STK32C: variants seen among roughly 807,000 people sequenced by gnomAD.
STK32C encodes the protein serine/threonine-protein kinase 32C.
In STK32C, 31 loss-of-function variants were observed where a neutral mutation model predicts 56.5. The observed-to-expected ratio is 0.55, with a 90% CI of 0.41 to 0.74. STK32C has a LOEUF of 0.74. Among genes scored for constraint, STK32C ranks in the 30% least tolerant of loss-of-function variants. The pLI is 0.00. For missense variants in STK32C, 544 were observed against 676.9 expected (o/e 0.80, Z 2.18); for synonymous variants, 309 against 289.4 (o/e 1.07, Z -0.69).
chr10:132,225,148 G>A (rs1396671248), intron 7 of STK32C, 85 bp downstream of exon 7: 8 of 1,136,664 alleles, frequency 7.0e-6, no homozygotes, highest in South Asian at 1.6e-5. Flanking sequence ...CCTGGACACT[G>A]GGGCAGCCAC....
At chr10:132,321,985 C>A (rs927774314), downstream of STK32C, among the ~76,000 whole-genome samples, 1 of 152,162 alleles carries the variant, frequency 6.6e-6, no homozygotes. Flanking sequence ...CAACCCTGCA[C>A]AGGAGTCCCC....
chr10:132,321,629 AGACCAGCCT>A (rs1465503965), downstream of STK32C, among the ~76,000 whole-genome samples: 1 of 152,196 alleles, frequency 6.6e-6, no homozygotes, highest in East Asian at 1.9e-4. Flanking sequence ...CAGGAGTTCG[AGACCAGCCT>A]GGCCAACATA....
At chr10:132,286,447 T>G (rs1307353967) in intron 1 of STK32C, among the ~76,000 whole-genome samples, 2 of 152,212 alleles carry the variant, frequency 1.3e-5, no homozygotes, top group African/African-American at 4.8e-5. Flanking sequence ...AGCACATGCC[T>G]GATGTCAAAA....
rs368594501 is a variant in STK32C at position 132,231,427 on chromosome 10, T to C, written c.319-3299A>G. On this transcript the variant is annotated intron_variant, in intron 2 of 11. Transcript: ENST00000298630. ...TCTTTGGGCTCTGTGTCCTGGAACA[T>C]TCTCAGCTCAACTGCAGTTCAAGAA... is the stretch of plus-strand genomic sequence containing the variant. Among the ~76,000 whole-genome samples the C allele has an allele frequency of 2.6e-5, 4 of 152,332 alleles. No individual in the cohort carries two copies. In the South Asian group the frequency reaches 6.2e-4, roughly 24 times the overall value.
chr10:132,219,891 C>T (rs1184409115), intron 10 of STK32C, among the ~76,000 whole-genome samples: 1 of 152,156 alleles, frequency 6.6e-6, no homozygotes, highest in Non-Finnish European at 1.5e-5. Flanking sequence ...GGGGCTGAGG[C>T]ACAAGAGTTT....
At chr10:132,287,705 A>G (rs934922798) in intron 1 of STK32C, among the ~76,000 whole-genome samples, 5 of 151,914 alleles carry the variant, frequency 3.3e-5, no homozygotes, top group Admixed American at 6.5e-5. Context: ...CACCTGCCTC[A>G]GCCTCCCAAA....
Position 132,235,493 on chromosome 10 carries a change from T to TCAAA in STK32C, c.319-7366_319-7365insTTTG, listed in dbSNP as rs1565091831. Among the ~76,000 whole-genome samples the TCAAA allele has an allele frequency of 2.8e-4, 20 of 72,408 alleles. 6 individuals are homozygous for TCAAA. The highest frequency in any genetic ancestry group is 8.5e-4 in the Admixed American group (4 of 4,708). 47.5% of individuals were successfully genotyped at this position (72,408 alleles called of 152,430 possible). ...CCTGGCAACAGAGCAAGACTCAGCC[T>TCAAA]TAAAAAAAAAAAAAAAAAAAAGGAA... On this transcript the variant is annotated intron_variant, in intron 2 of 11. Coordinates refer to ENST00000298630, the MANE Select transcript of STK32C (RefSeq NM_173575.4).
chr10:132,227,471 G>A (rs2062929983), intron 3 of STK32C, among the ~76,000 whole-genome samples: 1 of 152,120 alleles, frequency 6.6e-6, no homozygotes, highest in African/African-American at 2.4e-5. Flanking sequence ...TGAGGACTGA[G>A]GGTGGTGGTG....
In STK32C at chr10:132,225,251, A is replaced by G; in HGVS notation, c.858T>C (p.Tyr286=). ...VDWWSVGVMA[Y]ELLRGWRPYD... is the part of the protein sequence containing the mutation. Reference sequence around the variant, plus strand: ...TCCATACCCATCCTCGCAGCAGCTCATAGGCCATCACCCCCACCGACCACC... The same window carrying G: ...TCCATACCCATCCTCGCAGCAGCTCGTAGGCCATCACCCCCACCGACCACC... Residue 286 remains tyrosine, a synonymous_variant, in exon 7 of 12, where the codon TAT becomes TAC. Transcript: ENST00000298630. The G allele has an allele frequency of 6.2e-7, 1 of 1,611,030 alleles. No individual in the cohort carries two copies. Among genetic ancestry groups the G allele is most frequent in the Non-Finnish European group, 8.5e-7 (1 of 1,178,740 alleles).
chr10:132,234,561 C>T (rs1388202998), intron 2 of STK32C, among the ~76,000 whole-genome samples: 1 of 152,250 alleles, frequency 6.6e-6, no homozygotes, highest in Non-Finnish European at 1.5e-5. Flanking sequence ...AAGGGTTTCA[C>T]CCTCCACACC....
chr10:132,228,280 G>A lies in STK32C; in HGVS notation c.319-152C>T, dbSNP rs113501483. 4.3e-4 allele frequency: 370 copies of A among 865,820 alleles called. 3 individuals carry two copies. The highest frequency in any genetic ancestry group is 1.3e-3 in the Middle Eastern group (5 of 3,828). 53.6% of individuals were successfully genotyped at this position (865,820 alleles called of 1,614,324 possible). On this transcript the variant is annotated intron_variant, in intron 2 of 11. Coordinates refer to ENST00000298630, the MANE Select transcript of STK32C (RefSeq NM_173575.4). ...CGCAGCCCCTCTGCCTCCTAGACGC[G>A]GCAGGTGCATTCCTCTCTGCCACAT...
chr10:132,255,621 C>T lies in STK32C; in HGVS notation c.263-9666G>A, dbSNP rs536183861. Among the ~76,000 whole-genome samples, 316 of 152,272 alleles carry T rather than the reference C, an allele frequency of 2.1e-3. 4 individuals are homozygous for T. Among genetic ancestry groups the T allele is most frequent in the African/African-American group, 7.1e-3 (296 of 41,552 alleles). Reference sequence around the variant, plus strand: ...CAGCACCCAGGAGAGGAGCAGGGGGCCCTGCAGGAAGCAGGTCCCTCAACC... The same window carrying T: ...CAGCACCCAGGAGAGGAGCAGGGGGTCCTGCAGGAAGCAGGTCCCTCAACC... On this transcript the variant is annotated intron_variant, in intron 1 of 11. Transcript: ENST00000298630. The surrounding 1 kb of genome is among the most constrained non-coding windows in gnomAD (Gnocchi z 4.6).
At chr10:132,291,587 T>C (rs1030043291) in intron 1 of STK32C, among the ~76,000 whole-genome samples, 1 of 152,136 alleles carries the variant, frequency 6.6e-6, no homozygotes, top group Non-Finnish European at 1.5e-5. Context: ...CCTTCCAGAG[T>C]GCCCCTCTGC....
chr10:132,307,358 C>T lies in STK32C; in HGVS notation c.262+214G>A. ...CCGAGGGCCCGGGCCCAGCCTGCTC[C>T]TCCTGCGGCGCCGCCACTAGAAACG... On this transcript the variant is annotated intron_variant, in intron 1 of 11. Coordinates refer to ENST00000298630, the MANE Select transcript of STK32C (RefSeq NM_173575.4). The surrounding 1 kb of genome is among the most constrained non-coding windows in gnomAD (Gnocchi z 4.4). 1 of 458,768 alleles carries T rather than the reference C, an allele frequency of 2.2e-6. No individual in the cohort carries two copies. The highest frequency in any genetic ancestry group is 3.7e-6 in the Non-Finnish European group (1 of 273,498). 28.4% of individuals were successfully genotyped at this position (458,768 alleles called of 1,614,324 possible).
At chr10:132,230,136 C>T (rs529177524) in intron 2 of STK32C, among the ~76,000 whole-genome samples, 14 of 152,342 alleles carry the variant, frequency 9.2e-5, no homozygotes, top group Non-Finnish European at 1.8e-4. Context: ...TTGAACGAGG[C>T]CGCCTTGGGA....
chr10:132,252,818 A>G (rs1192361087), intron 1 of STK32C, among the ~76,000 whole-genome samples: 2 of 152,186 alleles, frequency 1.3e-5, no homozygotes, highest in Admixed American at 6.5e-5. Flanking sequence ...GGCAACTGAG[A>G]GCAGGTCCTA....
intron 10 of STK32C, 126 bp downstream of exon 10, chr10:132,222,515 A>G (rs901139360): frequency 1.5e-5 from 19 of 1,266,880 alleles, no homozygotes; most frequent in Non-Finnish European, 2.0e-5. Context: ...TCAGGACTTC[A>G]GGAAACGGTC....
chr10:132,250,261 GC>G (rs996177753), intron 1 of STK32C, among the ~76,000 whole-genome samples: 5 of 145,400 alleles, frequency 3.4e-5, no homozygotes, highest in Non-Finnish European at 7.6e-5. Context: ...GCAGAGAGGA[GC>G]CCCACCCCGA....
chr10:132,220,390 C>A (rs536927915), intron 10 of STK32C, among the ~76,000 whole-genome samples: 2 of 152,334 alleles, frequency 1.3e-5, no homozygotes, highest in South Asian at 4.1e-4. Flanking sequence ...TGGACTCAGG[C>A]CTCCAAGCCA....
Sources: allele counts gnomAD v4.1 joint callset (sites outside exome capture counted in the v4.1 genomes callset), GRCh38; gene constraint gnomAD v4.1.1; non-coding constraint Gnocchi (gnomAD v3.1); transcripts MANE v1.5; gene names NCBI Gene and HGNC (gene_info 2026-07-23, HGNC 2026-07-21).